The following CD1E variants were observed in gnomAD, a reference collection of about 807,000 sequenced individuals.
CD1E encodes T-cell surface glycoprotein CD1e, membrane-associated.
A neutral mutation model predicts 40.1 loss-of-function variants in CD1E; 49 were observed. The ratio of observed to expected loss-of-function variants is 1.22; its 90% CI spans 0.97 to 1.55. CD1E has a LOEUF of 1.55. Ranked by LOEUF, CD1E falls within the 40% of genes most tolerant of loss-of-function variation. CD1E has a pLI of 0.00. For synonymous variants in CD1E, 189 were observed against 178.3 expected, an observed-to-expected ratio of 1.06 and a Z score of -0.48; for missense variants, 492 against 471.3, an observed-to-expected ratio of 1.04 and a Z score of -0.41.
chr1:158,355,791 C>G (rs1403729497), intron 3 of CD1E, 36 bp from the exon 4 acceptor site: 1 of 1,582,670 alleles, frequency 6.3e-7, no homozygotes, highest in Non-Finnish European at 8.6e-7. Context: ...GGGTGCCCTT[C>G]AAAATTCCAT....
chr1:158,356,702 A>G (rs1288473343), intron 5 of CD1E, 26 bp from the exon 6 acceptor site: 2 of 1,596,082 alleles, frequency 1.3e-6, no homozygotes, highest in South Asian at 1.1e-5. Context: ...TTTCTTTGAG[A>G]TTAATATCCT....
chr1:158,355,042 C>T (rs115283126), intron 2 of CD1E, among the ~76,000 whole-genome samples: 1,619 of 152,080 alleles, frequency 0.011, 27 homozygotes, highest in African/African-American at 0.037. Flanking sequence ...ACCACTTTCA[C>T]GTGAATTATT....
In CD1E at chr1:158,356,421, C is replaced by T. The variant is rs866569275; in HGVS notation, c.905-77C>T. The stretch of plus-strand genomic sequence containing the variant: ...AGATGAAAATTCTAGGAAGGTCCCA[C>T]CCTTGTGAAATGGGAAATCTCAGCT... On this transcript the variant is annotated intron_variant, in intron 4 of 5. Coordinates refer to ENST00000368167, the MANE Select transcript of CD1E (RefSeq NM_030893.4). 12 of 1,197,576 alleles carry T rather than the reference C, an allele frequency of 1.0e-5. No individual in the cohort carries two copies. In the South Asian group the frequency reaches 1.6e-4, roughly 16 times the overall value. The allele number at this position is 1,197,576 out of a possible 1,614,324, so 74.2% of individuals were successfully genotyped here. A position where few individuals can be genotyped will look rare whatever the true frequency, so the allele number is the denominator to read the frequency against.
At chr1:158,355,590 C>T in intron 3 of CD1E, 21 bp downstream of exon 3, 1 of 1,609,782 alleles carries the variant, frequency 6.2e-7, no homozygotes, top group Non-Finnish European at 8.5e-7. Context: ...CTCTCTCTCT[C>T]CCCTCTTGTT....
rs769864017 is a variant in CD1E, at chr1:158,355,851, G to C, written c.650G>C (p.Cys217Ser). 21 of 1,613,704 alleles carry C rather than the reference G, an allele frequency of 1.3e-5. No individual in the cohort carries two copies. In the South Asian group the frequency reaches 2.0e-4, roughly 15 times the overall value. Residue 217 changes from cysteine (C) to serine (S), a missense_variant, in exon 4 of 6, where the codon TGT becomes TCT. Transcript: ENST00000368167. ...GTGAAGCCAGAGGCCTGGCTGTCCT[G>C]TGGCCCCAGTCCTGGCCCTGGCCGT... Reference protein sequence around the residue: ...RKVKPEAWLSCGPSPGPGRLQ... With the variant: ...RKVKPEAWLSSGPSPGPGRLQ...
In CD1E at chr1:158,355,982, C is replaced by A; in HGVS notation, c.781C>A (p.Pro261Thr). Residue 261 changes from proline to threonine, a missense_variant, in exon 4 of 6, where the codon CCT becomes ACT. Physicochemically the swap from Pro to Thr is conservative, Grantham distance 38 (BLOSUM62 -1). Coordinates refer to ENST00000368167, the MANE Select transcript of CD1E (RefSeq NM_030893.4). ...GGGCACTCAGCGAGGGGACGTCCTG[C>A]CTAATGCTGACGAGACATGGTATCT... is the stretch of plus-strand genomic sequence containing the variant. ...QRGTQRGDVLPNADETWYLRA... is the reference protein window; with the variant it reads ...QRGTQRGDVLTNADETWYLRA... 6.2e-7 allele frequency: 1 copy of A among 1,614,118 alleles called. No homozygotes were observed. Among genetic ancestry groups the A allele is most frequent in the African/African-American group, 1.3e-5 (1 of 74,994 alleles).
At chr1:158,355,160 C>T in intron 2 of CD1E, 140 bp from the exon 3 acceptor site, 1 of 736,932 alleles carries the variant, frequency 1.4e-6, no homozygotes, top group Non-Finnish European at 2.2e-6. Context: ...AAATTTTCTT[C>T]CCCTTTGCCA....
chr1:158,355,285 C>T lies in CD1E; in HGVS notation c.356-15C>T, dbSNP rs751844409. ...ATTCTTTCCATAATGATCTCTCTTC[C>T]CTGTCCACTCTCAGACCCCTTCGAG... On this transcript the variant is annotated splice_polypyrimidine_tract_variant and intron_variant, in intron 2 of 5. Transcript: ENST00000368167. 26 of 1,610,696 alleles carry T rather than the reference C, an allele frequency of 1.6e-5. No homozygotes were observed. The highest frequency in any genetic ancestry group is 2.0e-5 in the Non-Finnish European group (23 of 1,177,690).
At position 158,355,542 on chromosome 1, in the gene CD1E, G is replaced by A. The variant is rs990797270; in HGVS notation, c.598G>A (p.Ala200Thr). 3 of 1,613,944 alleles carry A rather than the reference G, an allele frequency of 1.9e-6. No individual in the cohort carries two copies. Among genetic ancestry groups the A allele is most frequent in the African/African-American group, 2.7e-5 (2 of 74,898 alleles). ...TCGATTTCTAGCGGGGCTCATGGAA[G>A]CAGGGGAGTCAGAACTGAAACGGAA... ...CPRFLAGLME[A>T]GESELKRKVK... Residue 200 changes from alanine to threonine, a missense_variant, in exon 3 of 6, where the codon GCA becomes ACA. Coordinates refer to ENST00000368167, the MANE Select transcript of CD1E (RefSeq NM_030893.4).
intron 5 of CD1E, 63 bp downstream of exon 5, chr1:158,356,654 C>CT: frequency 6.5e-7 from 1 of 1,541,152 alleles, no homozygotes; most frequent in Non-Finnish European, 8.8e-7. Context: ...TTTCCTCTAT[C>CT]TTCTTTTTTT....
chr1:158,354,418 C>T lies in CD1E; in HGVS notation c.100C>T (p.Gln34Ter). ...LQSYHLAAEEQLSFRMLQTSS... is the reference protein window; with the variant it reads ...LQSYHLAAEE ...ATCCTATCATCTAGCAGCAGAGGAG[C>T]AGCTGTCCTTCCGCATGCTCCAAAC... is the stretch of plus-strand genomic sequence containing the variant. Residue 34 changes from glutamine to a stop codon, truncating the protein, a stop_gained, in exon 2 of 6, where the codon CAG becomes TAG. Transcript: ENST00000368167. LOFTEE classifies it high-confidence loss of function. 6.2e-7 allele frequency: 1 copy of T among 1,613,516 alleles called. No homozygotes were observed.
intron 2 of CD1E, 111 bp downstream of exon 2, chr1:158,354,784 C>T (rs1557835969): frequency 3.2e-6 from 3 of 945,486 alleles, no homozygotes. Context: ...ACCTTGTTCC[C>T]CACTCTCTGA....
chr1:158,354,566 G>C lies in CD1E; in HGVS notation c.248G>C (p.Gly83Ala). 6.2e-7 allele frequency: 1 copy of C among 1,614,132 alleles called. No individual in the cohort carries two copies. The highest frequency in any genetic ancestry group is 8.5e-7 in the Non-Finnish European group (1 of 1,180,034). ...CGCTTTCTGAAGCCCTGGTCCCATG[G>C]AAACTTCAGCAAGCAGGAGCTGAAA... Reference protein sequence around the residue: ...TIRFLKPWSHGNFSKQELKNL... With the variant: ...TIRFLKPWSHANFSKQELKNL... The change falls in exon 2 of 6, where the codon GGA (glycine) becomes GCA (alanine). Residue 83 changes from glycine (G) to alanine (A), a missense_variant. Gly to Ala is a moderately conservative substitution (Grantham distance 60, BLOSUM62 0). Coordinates refer to ENST00000368167, the MANE Select transcript of CD1E (RefSeq NM_030893.4).
chr1:158,354,617 A>G lies in CD1E; in HGVS notation c.299A>G (p.Tyr100Cys). ...AACTTACAGTCACTGTTCCAGTTAT[A>G]CTTCCATAGTTTTATCCAGATAGTG... The part of the protein sequence containing the change: ...LKNLQSLFQL[Y>C]FHSFIQIVQA... Residue 100 changes from tyrosine to cysteine, a missense_variant, in exon 2 of 6, where the codon TAC becomes TGC. Tyr to Cys is a radical substitution (Grantham distance 194, BLOSUM62 -2). Transcript: ENST00000368167. 6.2e-7 allele frequency: 1 copy of G among 1,614,144 alleles called. No homozygotes were observed. The highest frequency in any genetic ancestry group is 8.5e-7 in the Non-Finnish European group (1 of 1,180,008).
Position 158,355,532 on chromosome 1 carries a change from G to T in CD1E, c.588G>T (p.Gly196=). The T allele has an allele frequency of 3.7e-6, 6 of 1,614,068 alleles. No homozygotes were observed. Among genetic ancestry groups the T allele is most frequent in the Non-Finnish European group, 5.1e-6 (6 of 1,179,974 alleles). Reference sequence around the variant, plus strand: ...ACACCTGCCCTCGATTTCTAGCGGGGCTCATGGAAGCAGGGGAGTCAGAAC... The same window carrying T: ...ACACCTGCCCTCGATTTCTAGCGGGTCTCATGGAAGCAGGGGAGTCAGAAC... The part of the protein sequence containing the change: ...LGHTCPRFLA[G]LMEAGESELK... The change falls in exon 3 of 6, where the codon GGG becomes GGT. Residue 196 remains glycine (G), a synonymous_variant. Coordinates refer to ENST00000368167, the MANE Select transcript of CD1E (RefSeq NM_030893.4).
In CD1E at chr1:158,356,777, A is replaced by G. The variant is rs1557840667; in HGVS notation, c.1048A>G (p.Met350Val). 2 of 1,613,338 alleles carry G rather than the reference A, an allele frequency of 1.2e-6. No homozygotes were observed. The highest frequency in any genetic ancestry group is 1.7e-6 in the Non-Finnish European group (2 of 1,179,738). ...CCACACACCCAGCCCTGTCTTTCTC[A>G]TGGGAGCCAACACTCAGGACACCAA... ...SPHTPSPVFL[M>V]GANTQDTKNS... Residue 350 changes from methionine (M) to valine (V), a missense_variant, in exon 6 of 6, where the codon ATG becomes GTG. Coordinates refer to ENST00000368167, the MANE Select transcript of CD1E (RefSeq NM_030893.4).
At position 158,356,187 on chromosome 1, in the gene CD1E, G is replaced by A. The variant is rs1380043090; in HGVS notation, c.904+82G>A. On this transcript the variant is annotated intron_variant, in intron 4 of 5. Coordinates refer to ENST00000368167, the MANE Select transcript of CD1E (RefSeq NM_030893.4). ...AGTGTGGGGCTGAGGAAATGGGTAG[G>A]AATGCTAGGTACAAGAAGGGTAAAA... 10 of 1,495,398 alleles carry A rather than the reference G, an allele frequency of 6.7e-6. No homozygotes were observed. In the African/African-American group the frequency reaches 1.1e-4, roughly 17 times the overall value. The allele number at this position is 1,495,398 out of a possible 1,614,324, so 92.6% of individuals were successfully genotyped here.
Position 158,353,984 on chromosome 1 carries a change from CT to C in CD1E, c.-3del. ...CCAAGGAATCCCTCCTTTAACAGAGCTTCAATGCTGCTCCTGTTCCTCCTCT... is the reference window on the plus strand; with the variant it reads ...CCAAGGAATCCCTCCTTTAACAGAGCTCAATGCTGCTCCTGTTCCTCCTCT... On this transcript the variant is annotated 5_prime_UTR_variant, in exon 1 of 6. Coordinates refer to ENST00000368167, the MANE Select transcript of CD1E (RefSeq NM_030893.4). The C allele has an allele frequency of 6.2e-7, 1 of 1,613,698 alleles. No individual in the cohort carries two copies. Among genetic ancestry groups the C allele is most frequent in the South Asian group, 1.1e-5 (1 of 91,078 alleles).
At chr1:158,355,201 C>G in intron 2 of CD1E, 99 bp from the exon 3 acceptor site, 1 of 1,221,466 alleles carries the variant, frequency 8.2e-7, no homozygotes. Context: ...GATTTCCCAG[C>G]AAATTTTTCT....
Sources: gnomAD v4.1 joint callset for allele counts (sites outside exome capture counted in the v4.1 genomes callset) on GRCh38, gnomAD v4.1.1 for gene constraint, MANE v1.5 for transcripts, NCBI Gene and HGNC (gene_info 2026-07-23, HGNC 2026-07-21) for gene names.